FHIT: variants seen among roughly 807,000 people sequenced by gnomAD.
FHIT encodes fragile histidine triad diadenosine triphosphatase.
Under a neutral mutation model 17.9 loss-of-function variants are expected in FHIT, and 19 were observed. The observed-to-expected ratio is 1.06, with a 90% CI of 0.74 to 1.56. The LOEUF (loss-of-function observed/expected upper bound fraction) is 1.56, where lower values mean the gene tolerates loss of function less well. FHIT is among the 40% of genes most tolerant of loss of function. The pLI, the probability that FHIT is intolerant of heterozygous loss-of-function variation, is 0.00. For missense variants in FHIT, 248 were observed against 189.2 expected, an observed-to-expected ratio of 1.31 and a Z score of -1.82; for synonymous variants, 81 against 69.7, an observed-to-expected ratio of 1.16 and a Z score of -0.81.
At position 60,642,132 on chromosome 3, in the gene FHIT, T is replaced by G. The variant is rs1340510046; in HGVS notation, c.-17-105153A>C. 3.3e-5 allele frequency among the ~76,000 whole-genome samples: 5 copies of G among 151,852 alleles called. No individual in the cohort carries two copies. In the East Asian group the frequency reaches 9.7e-4, roughly 29 times the overall value. On this transcript the variant is annotated intron_variant, in intron 4 of 9. Coordinates refer to ENST00000492590, the MANE Select transcript of FHIT (RefSeq NM_002012.4). ...TCTCTCTGCCCATTGCCTGGTCTCT[T>G]TCCAGTACCTCCCATTGACCAAGCC... is the stretch of plus-strand genomic sequence containing the variant.
chr3:59,831,449 A>C (rs1365686372), intron 8 of FHIT, among the ~76,000 whole-genome samples: 1 of 152,162 alleles, frequency 6.6e-6, no homozygotes, highest in Admixed American at 6.5e-5. Flanking sequence ...AAGGTTAAGA[A>C]GCTTGATCAA....
intron 5 of FHIT, among the ~76,000 whole-genome samples, chr3:60,469,638 C>T (rs2032980049): frequency 6.6e-6 from 1 of 152,174 alleles, no homozygotes; most frequent in Non-Finnish European, 1.5e-5. Flanking sequence ...CTCTCTCTCT[C>T]TCCAGGATTG....
intron 5 of FHIT, among the ~76,000 whole-genome samples, chr3:60,356,828 C>T (rs1042117483): frequency 7.4e-6 from 1 of 135,472 alleles, no homozygotes; most frequent in Non-Finnish European, 1.5e-5. Flanking sequence ...AATAATAATT[C>T]TACCTCAAAT....
intron 5 of FHIT, among the ~76,000 whole-genome samples, chr3:60,324,698 C>A (rs1024119536): frequency 2.0e-5 from 3 of 151,966 alleles, no homozygotes; most frequent in Non-Finnish European, 4.4e-5. Context: ...AGAACAAATG[C>A]GTCCACTATA....
intron 2 of FHIT, among the ~76,000 whole-genome samples, chr3:61,079,469 A>G (rs2035067371): frequency 6.6e-6 from 1 of 152,226 alleles, no homozygotes; most frequent in Non-Finnish European, 1.5e-5. Context: ...ACTTTGTTTG[A>G]TGGACTTCAC....
intron 1 of FHIT, among the ~76,000 whole-genome samples, chr3:61,249,604 C>T (rs1008726668): frequency 3.9e-5 from 6 of 152,082 alleles, no homozygotes; most frequent in Non-Finnish European, 5.9e-5. Flanking sequence ...TTAACTTGAA[C>T]AAGTTACTTA....
chr3:61,185,370 T>C (rs1576170167), intron 2 of FHIT, among the ~76,000 whole-genome samples: 1 of 152,296 alleles, frequency 6.6e-6, no homozygotes, highest in African/African-American at 2.4e-5. Flanking sequence ...AAATAGTCAA[T>C]GAGCTTCATT....
At chr3:61,089,996 C>T (rs113065924) in intron 2 of FHIT, among the ~76,000 whole-genome samples, 35 of 152,278 alleles carry the variant, frequency 2.3e-4, no homozygotes, top group African/African-American at 2.9e-4. Flanking sequence ...AATCAACAAG[C>T]GCATGCCAAT....
intron 5 of FHIT, among the ~76,000 whole-genome samples, chr3:60,249,843 A>G (rs907601290): frequency 2.8e-4 from 43 of 152,264 alleles, no homozygotes; most frequent in African/African-American, 9.6e-4. Context: ...ACAGTTCCAC[A>G]TGGCTGAGGA....
At chr3:60,577,354 G>A (rs897966670) in intron 4 of FHIT, among the ~76,000 whole-genome samples, 1 of 152,114 alleles carries the variant, frequency 6.6e-6, no homozygotes, top group Non-Finnish European at 1.5e-5. Context: ...CTTACATTAG[G>A]TGCCCCATGC....
chr3:60,732,186 G>C, intron 4 of FHIT: 1 of 801,328 alleles, frequency 1.2e-6, no homozygotes, highest in Non-Finnish European at 2.1e-6. Flanking sequence ...TCTTCTTGCT[G>C]GCCTTATCAT....
intron 5 of FHIT, 129 bp from the exon 6 acceptor site, chr3:60,014,281 C>A: frequency 1.2e-6 from 1 of 823,772 alleles, no homozygotes; most frequent in Non-Finnish European, 1.9e-6. Context: ...AATGAAGAAA[C>A]AGATATTTAC....
chr3:60,844,394 C>G (rs1702849822), intron 3 of FHIT, among the ~76,000 whole-genome samples: 1 of 152,050 alleles, frequency 6.6e-6, no homozygotes, highest in Non-Finnish European at 1.5e-5. Flanking sequence ...GGAAAAAACC[C>G]TACACACATA....
At chr3:59,941,903 G>C (rs1378145715) in intron 7 of FHIT, among the ~76,000 whole-genome samples, 2 of 152,302 alleles carry the variant, frequency 1.3e-5, no homozygotes, top group African/African-American at 4.8e-5. Flanking sequence ...CTGTGAACTG[G>C]AAATGTGTTA....
intron 4 of FHIT, among the ~76,000 whole-genome samples, chr3:60,764,299 A>G (rs1699772668): frequency 6.6e-6 from 1 of 152,122 alleles, no homozygotes; most frequent in African/African-American, 2.4e-5. Flanking sequence ...GCATCTGCCA[A>G]AATGGTTTTA....
chr3:59,799,849 G>A (rs1329745429), intron 8 of FHIT, among the ~76,000 whole-genome samples: 1 of 152,166 alleles, frequency 6.6e-6, no homozygotes, highest in African/African-American at 2.4e-5. Flanking sequence ...CCTTGTGGGG[G>A]CGATTTTTTA....
At chr3:61,196,825 C>A (rs1256105317) in intron 2 of FHIT, among the ~76,000 whole-genome samples, 1 of 152,162 alleles carries the variant, frequency 6.6e-6, no homozygotes, top group Non-Finnish European at 1.5e-5. Flanking sequence ...AGGGATACAG[C>A]CATTGCCAAC....
chr3:61,184,666 T>C (rs577770144), intron 2 of FHIT, among the ~76,000 whole-genome samples: 2 of 152,254 alleles, frequency 1.3e-5, no homozygotes, highest in African/African-American at 4.8e-5. Context: ...CTCACATCTA[T>C]TGTGATTCCA....
chr3:59,872,997 C>T (rs1022742803), intron 8 of FHIT, among the ~76,000 whole-genome samples: 4 of 152,208 alleles, frequency 2.6e-5, no homozygotes, highest in African/African-American at 4.8e-5. Flanking sequence ...CCCTGCTCAC[C>T]TTCATCTCCT....
Sources: gnomAD v4.1 joint callset for allele counts (sites outside exome capture counted in the v4.1 genomes callset) on GRCh38, gnomAD v4.1.1 for gene constraint, MANE v1.5 for transcripts, NCBI Gene and HGNC (gene_info 2026-07-23, HGNC 2026-07-21) for gene names.